The following RANBP3 variants were observed in gnomAD, a reference collection of about 807,000 sequenced individuals.
The protein encoded by RANBP3 is RAN binding protein 3.
A neutral mutation model predicts 77.3 loss-of-function variants in RANBP3; 14 were observed. The observed-to-expected ratio is 0.18, with a 90% confidence interval of 0.12 to 0.28. The LOEUF (loss-of-function observed/expected upper bound fraction) is 0.28. RANBP3 is among the 10% of genes least tolerant of loss of function. RANBP3 has a pLI of 1.00. For missense variants in RANBP3, 586 were observed against 752.3 expected (o/e 0.78, Z 2.59); for synonymous variants, 315 against 312.4 (o/e 1.01, Z -0.09).
intron 3 of RANBP3, among the ~76,000 whole-genome samples, chr19:5,948,407 C>T (rs1213280448): frequency 1.3e-5 from 2 of 150,634 alleles, no homozygotes; most frequent in South Asian, 2.1e-4. Context: ...GAGCAGAGAT[C>T]GGGCCACTGC....
chr19:5,977,776 C>G (rs1343623318), intron 1 of RANBP3, among the ~76,000 whole-genome samples: 1 of 152,306 alleles, frequency 6.6e-6, no homozygotes, highest in East Asian at 1.9e-4. Flanking sequence ...CAGCCCCGAG[C>G]TTGGCTGCGA....
Position 5,958,174 on chromosome 19 carries a change from TGTGAC to T in RANBP3, c.23-206_23-202del, listed in dbSNP as rs1373799477. Among the ~76,000 whole-genome samples the T allele has an allele frequency of 6.6e-6, 1 of 152,140 alleles. No individual in the cohort carries two copies. The highest frequency in any genetic ancestry group is 1.5e-5 in the Non-Finnish European group (1 of 68,012). ...GGTTTGTGAAATGCACCCAGAATGATGTGACGTGTGCCCTCTGCTGTATGCATTTA... is the reference window on the plus strand; with the variant it reads ...GGTTTGTGAAATGCACCCAGAATGATGTGTGCCCTCTGCTGTATGCATTTA... On this transcript the variant is annotated intron_variant, in intron 1 of 16. Coordinates refer to ENST00000340578, the MANE Select transcript of RANBP3 (RefSeq NM_007322.3). The surrounding 1 kb of genome is among the most constrained non-coding windows in gnomAD (Gnocchi z 4.4).
At chr19:5,935,468 A>G (rs2058051626) in intron 5 of RANBP3, among the ~76,000 whole-genome samples, 1 of 152,278 alleles carries the variant, frequency 6.6e-6, no homozygotes, top group Non-Finnish European at 1.5e-5. Context: ...GACGACTGGC[A>G]ATTTAGATAC....
intron 5 of RANBP3, chr19:5,935,698 T>C (rs1568457748): frequency 1.1e-5 from 5 of 456,560 alleles, no homozygotes; most frequent in African/African-American, 4.0e-5. Context: ...CCACTAGTGC[T>C]AGGCCCAGAG....
intron 9 of RANBP3, 40 bp from the exon 10 acceptor site, chr19:5,925,777 G>A: frequency 1.3e-6 from 2 of 1,562,012 alleles, no homozygotes; most frequent in Non-Finnish European, 1.8e-6. Context: ...GGGGGTGGGG[G>A]GGTGCCTGGA....
At chr19:5,935,984 C>T (rs1024820347) in intron 5 of RANBP3, 1 of 327,176 alleles carries the variant, frequency 3.1e-6, no homozygotes, top group Non-Finnish European at 6.3e-6. Context: ...GGACCCCTCC[C>T]GCCGGCAGCC....
At chr19:5,945,229 G>A (rs78256469) in intron 3 of RANBP3, among the ~76,000 whole-genome samples, 12,849 of 152,264 alleles carry the variant, frequency 0.084, 601 homozygotes, top group Middle Eastern at 0.13. Context: ...ACCTGAGTCC[G>A]GCCTTACAGA....
At chr19:5,971,943 T>G (rs1304696589) in intron 1 of RANBP3, among the ~76,000 whole-genome samples, 1 of 152,232 alleles carries the variant, frequency 6.6e-6, no homozygotes, top group Non-Finnish European at 1.5e-5. Context: ...TCCTTAGCAC[T>G]GAAAAATCAC....
At chr19:5,931,933 G>A (rs1280746153) in intron 7 of RANBP3, among the ~76,000 whole-genome samples, 1 of 152,116 alleles carries the variant, frequency 6.6e-6, no homozygotes, top group African/African-American at 2.4e-5. Flanking sequence ...TACTTGGGAG[G>A]CTGAGGTGGG....
At chr19:5,963,206 T>C (rs1410608650) in intron 1 of RANBP3, among the ~76,000 whole-genome samples, 1 of 152,184 alleles carries the variant, frequency 6.6e-6, no homozygotes, top group Non-Finnish European at 1.5e-5. Context: ...ACCTAGTTTG[T>C]AAAAAATGCA....
At chr19:5,931,635 C>G in intron 7 of RANBP3, 104 bp from the exon 8 acceptor site, 1 of 1,274,934 alleles carries the variant, frequency 7.8e-7, no homozygotes. Flanking sequence ...GGGCCCCTCC[C>G]ATGGTAAAGC....
Position 5,944,517 on chromosome 19 carries a change from G to A in RANBP3, c.283-2682C>T, listed in dbSNP as rs138671544. Among the ~76,000 whole-genome samples, 61 of 152,370 alleles carry A rather than the reference G, an allele frequency of 4.0e-4. No individual in the cohort carries two copies. The East Asian group carries it at 0.011, about 27-fold the overall frequency. On this transcript the variant is annotated intron_variant, in intron 3 of 16. Transcript: ENST00000340578. ...ATCCAGCCAAGCCTGGGCATCTCATGCCTGGGGCAGCTACTGCCCTCGACG... is the reference window on the plus strand; with the variant it reads ...ATCCAGCCAAGCCTGGGCATCTCATACCTGGGGCAGCTACTGCCCTCGACG...
intron 5 of RANBP3, among the ~76,000 whole-genome samples, chr19:5,935,294 G>C (rs937765089): frequency 2.6e-5 from 4 of 152,174 alleles, no homozygotes; most frequent in Non-Finnish European, 5.9e-5. Flanking sequence ...AGGGGCTTCT[G>C]GCAGCCTGTG....
In RANBP3 at chr19:5,958,194, G is replaced by A. The variant is rs1041094074; in HGVS notation, c.23-221C>T. ...AATGATGTGACGTGTGCCCTCTGCT[G>A]TATGCATTTATCATCAATAAGGAGT... On this transcript the variant is annotated intron_variant, in intron 1 of 16. Transcript: ENST00000340578. The surrounding 1 kb of genome is among the most constrained non-coding windows in gnomAD (Gnocchi z 4.4). Among the ~76,000 whole-genome samples, 1 of 152,190 alleles carries A rather than the reference G, an allele frequency of 6.6e-6. No individual in the cohort carries two copies. The highest frequency in any genetic ancestry group is 2.4e-5 in the African/African-American group (1 of 41,444).
At chr19:5,923,329 T>C in intron 12 of RANBP3, 26 bp from the exon 13 acceptor site, 1 of 1,599,762 alleles carries the variant, frequency 6.3e-7, no homozygotes, top group Non-Finnish European at 8.6e-7. Flanking sequence ...CCAAAAAGAC[T>C]GACTGATTAT....
intron 3 of RANBP3, among the ~76,000 whole-genome samples, chr19:5,942,191 C>T (rs1184721448): frequency 6.6e-6 from 1 of 152,170 alleles, no homozygotes; most frequent in African/African-American, 2.4e-5. Flanking sequence ...AGCTGAAAAG[C>T]GACCCTCTCC....
chr19:5,927,477 G>A (rs1182716057), intron 9 of RANBP3, among the ~76,000 whole-genome samples: 1 of 152,276 alleles, frequency 6.6e-6, no homozygotes, highest in Non-Finnish European at 1.5e-5. Context: ...GATGTCAGGA[G>A]CATTGGGTGG....
At chr19:5,965,328 A>C (rs529182160) in intron 1 of RANBP3, among the ~76,000 whole-genome samples, 32 of 152,236 alleles carry the variant, frequency 2.1e-4, no homozygotes, top group African/African-American at 7.7e-4. Context: ...AAGAGTAAGG[A>C]GGGTGAAAGG....
rs566959021 is a variant in RANBP3 at position 5,940,175 on chromosome 19, C to T, written c.406+1446G>A. On this transcript the variant is annotated intron_variant, in intron 5 of 16. Coordinates refer to ENST00000340578, the MANE Select transcript of RANBP3 (RefSeq NM_007322.3). Reference sequence around the variant, plus strand: ...GTCTCTTGGGGGCTGCTGCGCTGGACGGGAGGTGATTTGAAGAGGGCCGGG... The same window carrying T: ...GTCTCTTGGGGGCTGCTGCGCTGGATGGGAGGTGATTTGAAGAGGGCCGGG... Among the ~76,000 whole-genome samples the T allele has an allele frequency of 1.4e-4, 22 of 152,290 alleles. No homozygotes were observed. In the South Asian group the frequency reaches 2.9e-3, roughly 20 times the overall value.
Sources: gnomAD v4.1 joint callset for allele counts (sites outside exome capture counted in the v4.1 genomes callset) on GRCh38, gnomAD v4.1.1 for gene constraint, Gnocchi (gnomAD v3.1) non-coding constraint, MANE v1.5 for transcripts, NCBI Gene and HGNC (gene_info 2026-07-23, HGNC 2026-07-21) for gene names.